ZNF529: variants seen among roughly 807,000 people sequenced by gnomAD.
ZNF529 encodes zinc finger protein 529.
ZNF529 carries 11 observed loss-of-function variants against 10.1 expected under a neutral mutation model. That is an observed-to-expected ratio of 1.09 (90% confidence interval 0.69 to 1.81). ZNF529 has a LOEUF of 1.81. ZNF529 is among the 40% of genes most tolerant of loss of function. ZNF529 has a pLI of 0.00. For missense variants in ZNF529, 624 were observed against 666.8 expected, an observed-to-expected ratio of 0.94 and a Z score of 0.71; for synonymous variants, 204 against 215.7, an observed-to-expected ratio of 0.95 and a Z score of 0.47.
chr19:36,572,587 G>A (rs2036165297), intron 1 of ZNF529, among the ~76,000 whole-genome samples, 195 bp from the exon 2 acceptor site: 1 of 152,154 alleles, frequency 6.6e-6, no homozygotes, highest in East Asian at 1.9e-4. Flanking sequence ...AGGGAACACA[G>A]CTCAGGAAAT....
chr19:36,552,059 A>C (rs1440167743), intron 4 of ZNF529: 3 of 152,160 alleles, frequency 2.0e-5, no homozygotes, highest in African/African-American at 7.2e-5. Flanking sequence ...GATGAACTGG[A>C]AAACAGTTGG....
chr19:36,591,214 G>A (rs1219363098), intron 1 of ZNF529, among the ~76,000 whole-genome samples: 7 of 149,822 alleles, frequency 4.7e-5, no homozygotes, highest in Admixed American at 2.7e-4. Flanking sequence ...CAGGAGAATC[G>A]CTGGAACCCA....
chr19:36,548,589 T>C (rs1264897329), intron 4 of ZNF529, among the ~76,000 whole-genome samples: 1 of 152,234 alleles, frequency 6.6e-6, no homozygotes, highest in African/African-American at 2.4e-5. Flanking sequence ...TCTGTAGATG[T>C]AGAACTAGTC....
intron 4 of ZNF529, among the ~76,000 whole-genome samples, chr19:36,549,337 T>C (rs539291448): frequency 3.5e-4 from 53 of 152,358 alleles, no homozygotes; most frequent in Non-Finnish European, 6.2e-4. Flanking sequence ...TAAATTTTCA[T>C]GTGCCAATGT....
At chr19:36,584,489 G>A (rs952337118) in intron 2 of ZNF529, among the ~76,000 whole-genome samples, 1 of 152,082 alleles carries the variant, frequency 6.6e-6, no homozygotes, top group African/African-American at 2.4e-5. Flanking sequence ...GAAAGAGGCC[G>A]GATGCGGTAG....
rs556402895 is a variant in ZNF529 at position 36,571,548 on chromosome 19, G to A, written c.14+785C>T. ...AAATTAGCCGGGCATGGTGGCGGGCGCCTGTAATCCCAGCTACTTGGGAGG... is the reference window on the plus strand; with the variant it reads ...AAATTAGCCGGGCATGGTGGCGGGCACCTGTAATCCCAGCTACTTGGGAGG... On this transcript the variant is annotated intron_variant, in intron 2 of 4. Transcript: ENST00000591340. Among the ~76,000 whole-genome samples, 386 of 151,920 alleles carry A rather than the reference G, an allele frequency of 2.5e-3. 1 individual carries two copies. The highest frequency in any genetic ancestry group is 5.0e-3 in the Non-Finnish European group (340 of 67,948).
chr19:36,549,360 A>G (rs1350160087), intron 4 of ZNF529, among the ~76,000 whole-genome samples: 1 of 152,200 alleles, frequency 6.6e-6, no homozygotes, highest in African/African-American at 2.4e-5. Context: ...AACAAGACCT[A>G]AGGACATAGT....
At chr19:36,601,573 T>A (rs1008911368) in intron 1 of ZNF529, among the ~76,000 whole-genome samples, 1 of 152,108 alleles carries the variant, frequency 6.6e-6, no homozygotes. Flanking sequence ...TGGAATGACT[T>A]AGAATATCCA....
At chr19:36,559,338 T>C (rs889394111) in intron 2 of ZNF529, among the ~76,000 whole-genome samples, 2 of 152,248 alleles carry the variant, frequency 1.3e-5, no homozygotes, top group African/African-American at 4.8e-5. Context: ...AGATGGAGTC[T>C]TGCTCTTTCA....
At chr19:36,562,216 G>GTA (rs1375504487) in intron 2 of ZNF529, among the ~76,000 whole-genome samples, 6 of 151,054 alleles carry the variant, frequency 4.0e-5, no homozygotes, top group Non-Finnish European at 8.9e-5. Context: ...GCAGCCCAGG[G>GTA]GAAAAAAAAA....
At chr19:36,587,776 T>A (rs1368684727) in intron 2 of ZNF529, among the ~76,000 whole-genome samples, 1 of 152,178 alleles carries the variant, frequency 6.6e-6, no homozygotes, top group African/African-American at 2.4e-5. Flanking sequence ...ACTGCATGAC[T>A]CCATTTATAT....
intron 2 of ZNF529, among the ~76,000 whole-genome samples, chr19:36,564,791 G>A (rs900125142): frequency 3.3e-5 from 5 of 152,228 alleles, no homozygotes; most frequent in Middle Eastern, 3.4e-3. Context: ...AAAGACACAT[G>A]CACTCATGTT....
intron 1 of ZNF529, among the ~76,000 whole-genome samples, chr19:36,599,096 C>G (rs761298284): frequency 1.3e-5 from 2 of 152,154 alleles, no homozygotes; most frequent in Non-Finnish European, 2.9e-5. Context: ...GTTCCTTGGC[C>G]AATCCAGTCT....
At position 36,547,560 on chromosome 19, in the gene ZNF529, G is replaced by A; in HGVS notation, c.998C>T (p.Thr333Ile). The change falls in exon 5 of 5, where the codon ACT becomes ATT. Residue 333 changes from threonine to isoleucine, a missense_variant. Transcript: ENST00000591340. ...CATACATTTGTAGGGTTTCTCACCA[G>A]TATGAATTCTCTGATGTTCGGTAAG... The part of the protein sequence containing the change: ...SQLTEHQRIH[T>I]GEKPYKCMHC... The A allele has an allele frequency of 6.2e-7, 1 of 1,613,900 alleles. No homozygotes were observed. Among genetic ancestry groups the A allele is most frequent in the South Asian group, 1.1e-5 (1 of 91,074 alleles).
intron 2 of ZNF529, among the ~76,000 whole-genome samples, chr19:36,560,023 C>G (rs559851515): frequency 1.3e-5 from 2 of 152,146 alleles, no homozygotes; most frequent in African/African-American, 4.8e-5. Flanking sequence ...CTTTGAGAGG[C>G]TGAGGCGGGA....
rs768491471 is a variant in ZNF529 at position 36,547,946 on chromosome 19, A to G, written c.612T>C (p.Cys204=). 13 of 1,612,394 alleles carry G rather than the reference A, an allele frequency of 8.1e-6. No homozygotes were observed. In the African/African-American group the frequency reaches 1.2e-4, roughly 15 times the overall value. The part of the protein sequence containing the change: ...TGGKNYECNQ[C]WKTFGIDNSS... ...AGTTATCTATCCCAAAGGTTTTCCA[A>G]CATTGATTACATTCATAGTTTTTTC... is the stretch of plus-strand genomic sequence containing the variant. Residue 204 remains cysteine (C), a synonymous_variant, in exon 5 of 5, where the codon TGT becomes TGC. Coordinates refer to ENST00000591340, the MANE Select transcript of ZNF529 (RefSeq NM_020951.5).
intron 2 of ZNF529, among the ~76,000 whole-genome samples, chr19:36,560,781 A>C (rs1222814944): frequency 6.6e-6 from 1 of 152,218 alleles, no homozygotes; most frequent in Non-Finnish European, 1.5e-5. Context: ...TTTCTGAAGT[A>C]AGATATTTGG....
At chr19:36,605,248 C>A (rs2037005401) in exon 1 of ZNF529, 2 of 152,216 alleles carry the variant, frequency 1.3e-5, no homozygotes, top group Non-Finnish European at 2.9e-5. Flanking sequence ...GCTAGCACCG[C>A]GCGGCGACTA....
intron 4 of ZNF529, among the ~76,000 whole-genome samples, chr19:36,553,245 C>A (rs1446764434): frequency 6.6e-6 from 1 of 152,050 alleles, no homozygotes; most frequent in African/African-American, 2.4e-5. Flanking sequence ...CAGCAATTCT[C>A]CTGCCTCAGC....
Sources: gnomAD v4.1 joint callset for allele counts (sites outside exome capture counted in the v4.1 genomes callset) on GRCh38, gnomAD v4.1.1 for gene constraint, MANE v1.5 for transcripts, NCBI Gene and HGNC (gene_info 2026-07-23, HGNC 2026-07-21) for gene names.